The following PLXDC2 variants were observed in gnomAD, a reference collection of about 807,000 sequenced individuals.
PLXDC2 encodes plexin domain containing 2, also known as plexin domain-containing protein 2.
In PLXDC2, 40 loss-of-function variants were observed where a neutral mutation model predicts 68.9. That is an observed-to-expected ratio of 0.58 (90% CI 0.45 to 0.76). The LOEUF is 0.76. PLXDC2 is among the 30% of genes least tolerant of loss of function. The pLI is 0.00. For synonymous variants in PLXDC2, 243 were observed against 234.2 expected (o/e 1.04, Z -0.34); for missense variants, 644 against 661.9 (o/e 0.97, Z 0.30).
chr10:20,239,959 G>A (rs1398382059), intron 12 of PLXDC2, among the ~76,000 whole-genome samples: 2 of 152,126 alleles, frequency 1.3e-5, no homozygotes, highest in African/African-American at 4.8e-5. Context: ...AGGTTCAGGG[G>A]TACCTGTGTA....
chr10:20,156,451 C>T (rs1834218877), intron 6 of PLXDC2, among the ~76,000 whole-genome samples: 1 of 152,152 alleles, frequency 6.6e-6, no homozygotes, highest in African/African-American at 2.4e-5. Flanking sequence ...GCCCTGGAAG[C>T]CCTTGTCTTG....
intron 1 of PLXDC2, among the ~76,000 whole-genome samples, chr10:19,959,893 G>A (rs926911760): frequency 1.3e-5 from 2 of 152,166 alleles, no homozygotes; most frequent in Non-Finnish European, 2.9e-5. Context: ...GACATTTTCT[G>A]TGTCTATTAT....
intron 2 of PLXDC2, among the ~76,000 whole-genome samples, chr10:20,020,941 A>G (rs1835297827): frequency 6.6e-6 from 1 of 152,234 alleles, no homozygotes; most frequent in East Asian, 1.9e-4. Context: ...AGGAGAAGAC[A>G]AAAAGTAATC....
At chr10:19,879,659 A>G (rs954371626) in intron 1 of PLXDC2, among the ~76,000 whole-genome samples, 3 of 152,210 alleles carry the variant, frequency 2.0e-5, no homozygotes, top group Non-Finnish European at 4.4e-5. Flanking sequence ...GAACAAGAAA[A>G]TGCAGTAAAA....
intron 1 of PLXDC2, among the ~76,000 whole-genome samples, chr10:19,834,180 T>A (rs1836745637): frequency 6.6e-6 from 1 of 152,156 alleles, no homozygotes; most frequent in Admixed American, 6.5e-5. Flanking sequence ...GGAGGAATGG[T>A]CATCCATATC....
At chr10:20,110,073 A>C (rs1833538886) in intron 4 of PLXDC2, among the ~76,000 whole-genome samples, 1 of 152,214 alleles carries the variant, frequency 6.6e-6, no homozygotes, top group South Asian at 2.1e-4. Context: ...AAAAAAGATG[A>C]AAAGTGACAG....
intron 4 of PLXDC2, among the ~76,000 whole-genome samples, chr10:20,133,845 G>C (rs1833900416): frequency 6.6e-6 from 1 of 151,920 alleles, no homozygotes; most frequent in African/African-American, 2.4e-5. Context: ...TGAATATATT[G>C]GTTCACTTAA....
chr10:20,012,900 C>T (rs556156323), intron 2 of PLXDC2, among the ~76,000 whole-genome samples: 35 of 152,204 alleles, frequency 2.3e-4, no homozygotes, highest in African/African-American at 7.0e-4. Flanking sequence ...ACTTGGCAGC[C>T]CTTGGGAACG....
intron 2 of PLXDC2, among the ~76,000 whole-genome samples, chr10:20,037,354 T>A (rs1564291009): frequency 6.6e-6 from 1 of 152,122 alleles, no homozygotes; most frequent in Admixed American, 6.5e-5. Context: ...CTTCTTTTTT[T>A]TTTTAATTTT....
chr10:20,103,577 A>G (rs1215897204), intron 4 of PLXDC2, among the ~76,000 whole-genome samples: 3 of 103,580 alleles, frequency 2.9e-5, no homozygotes, highest in African/African-American at 1.6e-4. Context: ...GTGGGGTTAA[A>G]GGCGGTTTGT....
At chr10:20,048,049 G>A (rs1283090007) in intron 3 of PLXDC2, among the ~76,000 whole-genome samples, 2 of 152,128 alleles carry the variant, frequency 1.3e-5, no homozygotes, top group African/African-American at 4.8e-5. Flanking sequence ...AGTTAAGTAT[G>A]ACCTGAAGTG....
chr10:19,955,915 CA>C (rs1000394183), intron 1 of PLXDC2, among the ~76,000 whole-genome samples: 1 of 152,002 alleles, frequency 6.6e-6, no homozygotes, highest in Non-Finnish European at 1.5e-5. Flanking sequence ...CCCATCTCTA[CA>C]AAAAATACAA....
chr10:20,179,268 T>A (rs1461308820), intron 9 of PLXDC2, among the ~76,000 whole-genome samples: 3 of 152,098 alleles, frequency 2.0e-5, no homozygotes, highest in Non-Finnish European at 4.4e-5. Context: ...GTGTAGGGCT[T>A]GCTGACGCTT....
chr10:20,089,589 G>C (rs1833249691), intron 4 of PLXDC2, among the ~76,000 whole-genome samples: 1 of 152,152 alleles, frequency 6.6e-6, no homozygotes, highest in Non-Finnish European at 1.5e-5. Context: ...GTCATTGAAA[G>C]TTTTATGGAG....
At chr10:20,180,074 G>A (rs1589667995) in intron 9 of PLXDC2, among the ~76,000 whole-genome samples, 1 of 151,966 alleles carries the variant, frequency 6.6e-6, no homozygotes, top group Admixed American at 6.6e-5. Context: ...AAGTATCATC[G>A]TTTTGAAACT....
intron 1 of PLXDC2, among the ~76,000 whole-genome samples, chr10:19,870,498 TCAC>T (rs1837515302): frequency 6.6e-6 from 1 of 152,118 alleles, no homozygotes; most frequent in East Asian, 1.9e-4. Flanking sequence ...CAATCTCACC[TCAC>T]TGCAATCTCT....
chr10:20,208,444 C>T (rs1054932538), intron 9 of PLXDC2, among the ~76,000 whole-genome samples: 5 of 152,012 alleles, frequency 3.3e-5, no homozygotes, highest in African/African-American at 1.2e-4. Flanking sequence ...AGATTATCTC[C>T]CACTGGGTCC....
intron 1 of PLXDC2, among the ~76,000 whole-genome samples, chr10:19,889,244 A>G (rs1837904147): frequency 6.6e-6 from 1 of 151,972 alleles, no homozygotes; most frequent in Non-Finnish European, 1.5e-5. Flanking sequence ...TCAAATTCAT[A>G]TGACAAGCTC....
intron 3 of PLXDC2, among the ~76,000 whole-genome samples, chr10:20,050,856 C>A (rs375044638): frequency 5.8e-4 from 88 of 152,158 alleles, no homozygotes; most frequent in African/African-American, 1.8e-3. Context: ...GACAGAAATA[C>A]CATTCAACCC....
Sources: allele counts gnomAD v4.1 joint callset (sites outside exome capture counted in the v4.1 genomes callset), GRCh38; gene constraint gnomAD v4.1.1; transcripts MANE v1.5; gene names NCBI Gene and HGNC (gene_info 2026-07-23, HGNC 2026-07-21).